The following CSNK1A1 variants were observed in gnomAD, a reference collection of about 807,000 sequenced individuals.
CSNK1A1 encodes the protein casein kinase 1 alpha 1.
Under a neutral mutation model 46.1 loss-of-function variants are expected in CSNK1A1, and 7 were observed. That is an observed-to-expected ratio of 0.15 (90% CI 0.09 to 0.29). The LOEUF (loss-of-function observed/expected upper bound fraction) is 0.29, where lower values mean the gene tolerates loss of function less well. Among genes scored for constraint, CSNK1A1 ranks in the 10% least tolerant of loss-of-function variants. The pLI, the probability that CSNK1A1 is intolerant of heterozygous loss-of-function variation, is 1.00. For missense variants in CSNK1A1, 96 were observed against 417.1 expected (o/e 0.23, Z 6.71); for synonymous variants, 137 against 141.5 (o/e 0.97, Z 0.23).
At position 149,550,702 on chromosome 5, in the gene CSNK1A1, A is replaced by C. The variant is rs1762630513; in HGVS notation, c.123+140T>G. On this transcript the variant is annotated intron_variant, in intron 1 of 9. Transcript: ENST00000377843. This position sits in a 1 kb window ranked among gnomAD's most constrained non-coding sequence, Gnocchi z 4.3. ...AGGGAGACAGCGGACGAGGTTCGTA[A>C]GCCAGGAAAACTAGCTCCCTGGACT... 3.3e-6 allele frequency: 4 copies of C among 1,220,296 alleles called. No homozygotes were observed. Among genetic ancestry groups the C allele is most frequent in the Non-Finnish European group, 4.5e-6 (4 of 884,436 alleles). 75.6% of individuals were successfully genotyped at this position (1,220,296 alleles called of 1,614,324 possible).
At chr5:149,539,468 TA>T (rs5872133) in intron 2 of CSNK1A1, among the ~76,000 whole-genome samples, 47,729 of 137,246 alleles carry the variant, frequency 0.35, 8,486 homozygotes, top group African/African-American at 0.51. Context: ...ACCCAACTCT[TA>T]AAAAAAAAAA....
At chr5:149,516,663 G>A (rs1225231442) in intron 4 of CSNK1A1, among the ~76,000 whole-genome samples, 2 of 152,046 alleles carry the variant, frequency 1.3e-5, no homozygotes, top group African/African-American at 4.8e-5. Flanking sequence ...TAAAAATGAG[G>A]CACTATAAAA....
At position 149,541,158 on chromosome 5, in the gene CSNK1A1, G is replaced by GTTT. The variant is rs111502460; in HGVS notation, c.230+8914_230+8916dup. On this transcript the variant is annotated intron_variant, in intron 2 of 9. Coordinates refer to ENST00000377843, the MANE Select transcript of CSNK1A1 (RefSeq NM_001892.6). ...ATGTTAATACTGGTCAACCAATTTT[G>GTTT]TTTTTTTTTTTTGAGATGGAGTCTC... is the stretch of plus-strand genomic sequence containing the variant. 3.0e-3 allele frequency among the ~76,000 whole-genome samples: 422 copies of GTTT among 141,284 alleles called. 3 individuals are homozygous for GTTT. Among genetic ancestry groups the GTTT allele is most frequent in the African/African-American group, 0.01 (390 of 38,568 alleles). The allele number at this position is 141,284 out of a possible 152,430, so 92.7% of individuals were successfully genotyped here.
chr5:149,523,417 T>C (rs1319715588), intron 3 of CSNK1A1, among the ~76,000 whole-genome samples: 1 of 152,378 alleles, frequency 6.6e-6, no homozygotes, highest in East Asian at 1.9e-4. Context: ...GGCATTATTA[T>C]AGCTCACTGT....
At chr5:149,521,838 C>A (rs1480520990) in intron 3 of CSNK1A1, among the ~76,000 whole-genome samples, 2 of 151,906 alleles carry the variant, frequency 1.3e-5, no homozygotes, top group South Asian at 2.1e-4. Flanking sequence ...CAGCTCCTGG[C>A]CTAAAATGAT....
At chr5:149,545,448 G>A in intron 2 of CSNK1A1, 1 of 529,278 alleles carries the variant, frequency 1.9e-6, no homozygotes, top group South Asian at 2.5e-5. Context: ...ACTGAAGCTG[G>A]AGCTGCAGCC....
chr5:149,516,453 G>A (rs914388791), intron 4 of CSNK1A1, among the ~76,000 whole-genome samples: 1 of 151,494 alleles, frequency 6.6e-6, no homozygotes, highest in Admixed American at 6.6e-5. Context: ...GCTAATCTTA[G>A]TGTTTAGTAC....
At position 149,494,447 on chromosome 5, in the gene CSNK1A1, T is replaced by C. The variant is rs1760602143; in HGVS notation, c.*2406A>G. The stretch of plus-strand genomic sequence containing the variant: ...ATTTTAAAAAAACTGCACCCCCCAA[T>C]GGGTGAACAAAGTAAAGAGTAGTAA... On this transcript the variant is annotated 3_prime_UTR_variant, in exon 10 of 10. Coordinates refer to ENST00000377843, the MANE Select transcript of CSNK1A1 (RefSeq NM_001892.6). 1 of 152,150 alleles carries C rather than the reference T, an allele frequency of 6.6e-6. No homozygotes were observed. The highest frequency in any genetic ancestry group is 1.5e-5 in the Non-Finnish European group (1 of 68,020). 9.4% of individuals were successfully genotyped at this position (152,150 alleles called of 1,614,324 possible). A position where few individuals can be genotyped will look rare whatever the true frequency, so the allele number is the denominator to read the frequency against.
rs1762651021 is a variant in CSNK1A1, at chr5:149,551,274, G to A, written c.-310C>T. 3.5e-6 allele frequency: 1 copy of A among 284,168 alleles called. No homozygotes were observed. The highest frequency in any genetic ancestry group is 6.8e-6 in the Non-Finnish European group (1 of 147,470). The allele number at this position is 284,168 out of a possible 1,614,324, so 17.6% of individuals were successfully genotyped here. A position where few individuals can be genotyped will look rare whatever the true frequency, so the allele number is the denominator to read the frequency against. ...CGACGTCGCGGGCTGGAAAAGGGGC[G>A]CGGTGAGCTAGGGCGGCGATACCGC... On this transcript the variant is annotated 5_prime_UTR_variant, in exon 1 of 10. Coordinates refer to ENST00000377843, the MANE Select transcript of CSNK1A1 (RefSeq NM_001892.6).
In CSNK1A1 at chr5:149,525,030, C is replaced by G; in HGVS notation, c.357+15G>C. On this transcript the variant is annotated intron_variant, in intron 3 of 9. Coordinates refer to ENST00000377843, the MANE Select transcript of CSNK1A1 (RefSeq NM_001892.6). The surrounding 1 kb of genome is among the most constrained non-coding windows in gnomAD (Gnocchi z 4.2). ...TACTAGTCTCAGTTTATATTCTAATCAAAATTTCACATACCTGGTCAGCTA... is the reference window on the plus strand; with the variant it reads ...TACTAGTCTCAGTTTATATTCTAATGAAAATTTCACATACCTGGTCAGCTA... The G allele has an allele frequency of 2.5e-6, 4 of 1,600,086 alleles. No individual in the cohort carries two copies. The highest frequency in any genetic ancestry group is 3.4e-6 in the Non-Finnish European group (4 of 1,174,290).
intron 9 of CSNK1A1, chr5:149,501,107 C>G: frequency 1.0e-6 from 1 of 985,432 alleles, no homozygotes; most frequent in Non-Finnish European, 1.2e-6. Context: ...GGTCTTCTAA[C>G]AGTTGTGCTA....
At chr5:149,541,399 C>T (rs1270595703) in intron 2 of CSNK1A1, among the ~76,000 whole-genome samples, 1 of 152,082 alleles carries the variant, frequency 6.6e-6, no homozygotes, top group African/African-American at 2.4e-5. Flanking sequence ...GTGATCCGCC[C>T]GCCTTGGCCT....
intron 2 of CSNK1A1, 142 bp downstream of exon 2, chr5:149,549,933 C>G: frequency 1.1e-6 from 1 of 884,930 alleles, no homozygotes. Flanking sequence ...AGATGACTGA[C>G]TTACAGGAAA....
At chr5:149,504,293 T>C (rs1760961603) in intron 9 of CSNK1A1, 1 of 985,388 alleles carries the variant, frequency 1.0e-6, no homozygotes, top group African/African-American at 1.7e-5. Flanking sequence ...GCTGCTGGGA[T>C]GAGGATGACA....
intron 3 of CSNK1A1, 131 bp downstream of exon 3, chr5:149,524,914 T>C: frequency 2.6e-6 from 2 of 759,668 alleles, no homozygotes; most frequent in Non-Finnish European, 3.9e-6. Context: ...CAAGTCACAT[T>C]ATTATTTTTT....
At position 149,521,270 on chromosome 5, in the gene CSNK1A1, C is replaced by CTTT. The variant is rs909460651; in HGVS notation, c.358-885_358-883dup. On this transcript the variant is annotated intron_variant, in intron 3 of 9. Transcript: ENST00000377843. The stretch of plus-strand genomic sequence containing the variant: ...GCTGTAACAATTTGGATTTACTCTT[C>CTTT]TTTTTTTTTTTTTTTTTTTGAGACA... 4.8e-3 allele frequency among the ~76,000 whole-genome samples: 597 copies of CTTT among 123,902 alleles called. 6 individuals carry two copies. The highest frequency in any genetic ancestry group is 0.017 in the African/African-American group (580 of 33,488). 81.3% of individuals were successfully genotyped at this position (123,902 alleles called of 152,430 possible).
chr5:149,542,613 T>TTTTTTTTTTTTTTG (rs1561772160), intron 2 of CSNK1A1, among the ~76,000 whole-genome samples: 1 of 11,246 alleles, frequency 8.9e-5, no homozygotes, highest in Non-Finnish European at 1.3e-4. Flanking sequence ...TATATATATA[T>TTTTTTTTTTTTTTG]ATATATATAT....
At chr5:149,499,382 A>G (rs1299368021) in intron 9 of CSNK1A1, 3 of 534,478 alleles carry the variant, frequency 5.6e-6, no homozygotes, top group Non-Finnish European at 7.2e-6. Flanking sequence ...TTAAATTTCA[A>G]ATCTGCAAAA....
intron 2 of CSNK1A1, among the ~76,000 whole-genome samples, chr5:149,542,676 A>T (rs10875546): frequency 1.4e-4 from 1 of 7,404 alleles, no homozygotes; most frequent in Non-Finnish European, 2.5e-4. Context: ...ATATATGTAT[A>T]TATATATATA....
Sources: gnomAD v4.1 joint callset for allele counts (sites outside exome capture counted in the v4.1 genomes callset) on GRCh38, gnomAD v4.1.1 for gene constraint, Gnocchi (gnomAD v3.1) non-coding constraint, MANE v1.5 for transcripts, NCBI Gene and HGNC (gene_info 2026-07-23, HGNC 2026-07-21) for gene names.